PARD3: variants seen among roughly 807,000 people sequenced by gnomAD.
The protein encoded by PARD3 is par-3 family cell polarity regulator, also known as partitioning defective 3 homolog.
PARD3 carries 75 observed loss-of-function variants against 155.4 expected under a neutral mutation model. The ratio of observed to expected loss-of-function variants is 0.48; its 90% CI spans 0.40 to 0.58. The LOEUF is 0.58. Ranked by LOEUF, PARD3 falls within the 20% of genes least tolerant of loss-of-function variation. PARD3 has a pLI of 0.00. For synonymous variants in PARD3, 576 were observed against 610.5 expected (o/e 0.94, Z 0.83); for missense variants, 1,642 against 1,721.7 (o/e 0.95, Z 0.82).
intron 1 of PARD3, among the ~76,000 whole-genome samples, chr10:34,745,528 G>A (rs923857642): frequency 7.2e-5 from 11 of 152,252 alleles, no homozygotes; most frequent in Admixed American, 2.0e-4. Context: ...GGTGTCGACT[G>A]TTGGAGGAAA....
intron 3 of PARD3, among the ~76,000 whole-genome samples, chr10:34,515,673 G>C (rs1246718158): frequency 6.6e-6 from 1 of 152,154 alleles, no homozygotes; most frequent in Admixed American, 6.6e-5. Flanking sequence ...AGGGACAAGA[G>C]AAGCAGAAGT....
rs534030746 is a variant in PARD3 at position 34,444,889 on chromosome 10, G to A, written c.714+5428C>T. Among the ~76,000 whole-genome samples the A allele has an allele frequency of 3.3e-5, 5 of 151,792 alleles. No individual in the cohort carries two copies. The South Asian group carries it at 1.0e-3, about 32-fold the overall frequency. On this transcript the variant is annotated intron_variant, in intron 5 of 24. Transcript: ENST00000374788. ...TGGAAAAGCTGATAAGGTCATAACT[G>A]CCTTCAGAAACAGATAATGAGAGAT...
intron 2 of PARD3, among the ~76,000 whole-genome samples, chr10:34,553,774 A>G (rs1459231849): frequency 6.6e-6 from 1 of 152,214 alleles, no homozygotes; most frequent in Non-Finnish European, 1.5e-5. Context: ...ACACATAAAT[A>G]AGCAATGTTT....
intron 2 of PARD3, among the ~76,000 whole-genome samples, chr10:34,556,057 G>C (rs1423905229): frequency 6.6e-6 from 1 of 152,166 alleles, no homozygotes; most frequent in Non-Finnish European, 1.5e-5. Context: ...CAAGGAAATA[G>C]AGCATTAAAG....
chr10:34,301,601 A>G (rs1957147893), intron 20 of PARD3, among the ~76,000 whole-genome samples: 1 of 152,012 alleles, frequency 6.6e-6, no homozygotes, highest in African/African-American at 2.4e-5. Context: ...ACCACCTGAC[A>G]TGTCTTTGAT....
At chr10:34,307,900 A>C (rs1478682574) in intron 20 of PARD3, among the ~76,000 whole-genome samples, 1 of 152,220 alleles carries the variant, frequency 6.6e-6, no homozygotes, top group African/African-American at 2.4e-5. Context: ...CTCAGGTAGG[A>C]GTGCAAATGT....
intron 7 of PARD3, among the ~76,000 whole-genome samples, chr10:34,394,629 AAC>A (rs776711273): frequency 6.6e-6 from 1 of 152,208 alleles, no homozygotes; most frequent in Non-Finnish European, 1.5e-5. Flanking sequence ...TCCAGCCTCA[AAC>A]ACAAAATCTT....
chr10:34,571,381 G>C (rs1364443991), intron 2 of PARD3, among the ~76,000 whole-genome samples: 1 of 152,226 alleles, frequency 6.6e-6, no homozygotes, highest in Non-Finnish European at 1.5e-5. Context: ...TTTATATTTA[G>C]AATAAACTTC....
intron 22 of PARD3, among the ~76,000 whole-genome samples, chr10:34,245,826 T>C (rs1158799004): frequency 6.6e-6 from 1 of 152,166 alleles, no homozygotes; most frequent in Non-Finnish European, 1.5e-5. Context: ...GTTGAGTTCG[T>C]GATGCTGTCA....
In PARD3 at chr10:34,457,907, A is replaced by G. The variant is rs116163661; in HGVS notation, c.583-7459T>C. 9.3e-3 allele frequency among the ~76,000 whole-genome samples: 1,419 copies of G among 152,210 alleles called. 28 individuals are homozygous for G. Among genetic ancestry groups the G allele is most frequent in the African/African-American group, 0.033 (1,358 of 41,538 alleles). ...GCACCACCAGCCTAGCCTCTACTCA[A>G]TCCTGAGTAATAAAATTTCCAACTT... On this transcript the variant is annotated intron_variant, in intron 4 of 24. Coordinates refer to ENST00000374788, the MANE Select transcript of PARD3 (RefSeq NM_001184785.2).
In PARD3 at chr10:34,306,260, G is replaced by A. The variant is rs569514210; in HGVS notation, c.3065+10847C>T. 4.9e-4 allele frequency among the ~76,000 whole-genome samples: 73 copies of A among 148,654 alleles called. 1 individual carries two copies. The highest frequency in any genetic ancestry group is 1.6e-4 in the Non-Finnish European group (11 of 67,132). ...CGCGCCAGTGCACTCCAGCCTGGGCGACAGAGCAAGAATGTCTCAAAAAAA... is the reference window on the plus strand; with the variant it reads ...CGCGCCAGTGCACTCCAGCCTGGGCAACAGAGCAAGAATGTCTCAAAAAAA... On this transcript the variant is annotated intron_variant, in intron 20 of 24. Transcript: ENST00000374788.
At chr10:34,378,528 G>A (rs1163235697) in intron 9 of PARD3, among the ~76,000 whole-genome samples, 1 of 152,138 alleles carries the variant, frequency 6.6e-6, no homozygotes, top group Non-Finnish European at 1.5e-5. Context: ...GTATGAGCAA[G>A]GGAAACAAAA....
chr10:34,213,841 T>C (rs1951872064), intron 22 of PARD3, among the ~76,000 whole-genome samples: 1 of 152,166 alleles, frequency 6.6e-6, no homozygotes. Flanking sequence ...GTTATACATT[T>C]TTCAACTTAT....
At chr10:34,539,292 A>T (rs966502626) in intron 2 of PARD3, among the ~76,000 whole-genome samples, 2 of 152,200 alleles carry the variant, frequency 1.3e-5, no homozygotes, top group East Asian at 3.8e-4. Flanking sequence ...GGAATTTTGC[A>T]AGCCAGTTAT....
intron 3 of PARD3, among the ~76,000 whole-genome samples, chr10:34,481,196 TTTTA>T (rs141668425): frequency 0.51 from 77,234 of 150,640 alleles, 23,333 homozygotes; most frequent in African/African-American, 0.86. Context: ...CCAACAGTTG[TTTTA>T]TTTATTTATT....
chr10:34,686,552 A>G (rs1254006883), intron 2 of PARD3, among the ~76,000 whole-genome samples: 3 of 151,940 alleles, frequency 2.0e-5, no homozygotes, highest in African/African-American at 7.3e-5. Context: ...CCTGGTCAAC[A>G]TGGTAAAACC....
chr10:34,666,923 C>T (rs113954396), intron 2 of PARD3, among the ~76,000 whole-genome samples: 5 of 151,542 alleles, frequency 3.3e-5, no homozygotes, highest in African/African-American at 1.2e-4. Flanking sequence ...AATCCCAGCA[C>T]TTTGGGAGAC....
intron 22 of PARD3, among the ~76,000 whole-genome samples, chr10:34,221,383 CTTGCCTTTTTT>C (rs1468519653): frequency 7.7e-6 from 1 of 129,870 alleles, no homozygotes; most frequent in East Asian, 2.0e-4. Flanking sequence ...CAAACCAGGA[CTTGCCTTTTTT>C]TTTTTTTTTT....
chr10:34,756,990 G>A (rs1327370366), intron 1 of PARD3, among the ~76,000 whole-genome samples: 4 of 152,126 alleles, frequency 2.6e-5, no homozygotes, highest in Admixed American at 2.6e-4. Flanking sequence ...CTAAAAAAAG[G>A]TTCTAAAGTC....
Sources: allele counts gnomAD v4.1 joint callset (sites outside exome capture counted in the v4.1 genomes callset), GRCh38; gene constraint gnomAD v4.1.1; transcripts MANE v1.5; gene names NCBI Gene and HGNC (gene_info 2026-07-23, HGNC 2026-07-21).